The following PKHD1L1 variants were observed in gnomAD, a reference collection of about 807,000 sequenced individuals.
PKHD1L1 encodes fibrocystin-L.
A neutral mutation model predicts 462.9 loss-of-function variants in PKHD1L1; 434 were observed. That is an observed-to-expected ratio of 0.94 (90% CI 0.87 to 1.02). The LOEUF is 1.02. Ranked by LOEUF, PKHD1L1 falls within the 50% of genes least tolerant of loss-of-function variation. The pLI is 0.00. For missense variants in PKHD1L1, 5,202 were observed against 5,096.1 expected, an observed-to-expected ratio of 1.02 and a Z score of -0.63; for synonymous variants, 1,781 against 1,750.0, an observed-to-expected ratio of 1.02 and a Z score of -0.44.
In PKHD1L1 at chr8:109,362,514, G is replaced by A. The variant is rs1811029196; in HGVS notation, c.-67G>A. Reference sequence around the variant, plus strand: ...GCCCGCCAGCGAGTCGCAGTCCCAGGAGCCGAGCTCCAGCACTAGAGCCAG... The same window carrying A: ...GCCCGCCAGCGAGTCGCAGTCCCAGAAGCCGAGCTCCAGCACTAGAGCCAG... On this transcript the variant is annotated 5_prime_UTR_variant, in exon 1 of 78. Transcript: ENST00000378402. The A allele has an allele frequency of 1.4e-6, 2 of 1,468,330 alleles. No individual in the cohort carries two copies. Among genetic ancestry groups the A allele is most frequent in the African/African-American group, 1.4e-5 (1 of 71,462 alleles). The allele number at this position is 1,468,330 out of a possible 1,614,324, so 91.0% of individuals were successfully genotyped here.
chr8:109,507,586 C>A (rs1465820575), intron 68 of PKHD1L1, 77 bp from the exon 69 acceptor site: 1 of 1,266,134 alleles, frequency 7.9e-7, no homozygotes, highest in Admixed American at 2.1e-5. Context: ...TTTTGGATAT[C>A]CTCTAAGTAA....
chr8:109,470,367 C>A, intron 50 of PKHD1L1: 1 of 1,557,294 alleles, frequency 6.4e-7, no homozygotes, highest in East Asian at 2.3e-5. Context: ...ACTATGAACC[C>A]AAGCTTATTA....
intron 20 of PKHD1L1, among the ~76,000 whole-genome samples, chr8:109,412,899 A>G (rs1368874522): frequency 6.6e-6 from 1 of 152,052 alleles, no homozygotes; most frequent in Non-Finnish European, 1.5e-5. Context: ...AAATTCTCAA[A>G]TTGTGGCACC....
At chr8:109,455,072 T>G (rs1816745402) in intron 45 of PKHD1L1, among the ~76,000 whole-genome samples, 1 of 152,142 alleles carries the variant, frequency 6.6e-6, no homozygotes, top group African/African-American at 2.4e-5. Context: ...GTGCGGTGGC[T>G]CATACCTGTA....
chr8:109,480,035 C>T lies in PKHD1L1; in HGVS notation c.9223C>T (p.Leu3075Phe), dbSNP rs773328741. ...ADIDMPSMERLIIWGVLELED... is the reference protein window; with the variant it reads ...ADIDMPSMERFIIWGVLELED... ...CATAGATATGCCATCAATGGAAAGA[C>T]TCATTATTTGGGGGGTTCTAGAACT... is the stretch of plus-strand genomic sequence containing the variant. The change falls in exon 55 of 78, where the codon CTC becomes TTC. Residue 3075 changes from leucine (L) to phenylalanine (F), a missense_variant. Physicochemically the swap from Leu to Phe is conservative, Grantham distance 22 (BLOSUM62 0). Coordinates refer to ENST00000378402, the MANE Select transcript of PKHD1L1 (RefSeq NM_177531.6). The T allele has an allele frequency of 9.4e-6, 15 of 1,594,828 alleles. No homozygotes were observed. The highest frequency in any genetic ancestry group is 1.2e-5 in the Non-Finnish European group (14 of 1,172,594).
At chr8:109,417,026 C>A (rs1204993114) in intron 21 of PKHD1L1, among the ~76,000 whole-genome samples, 1 of 152,132 alleles carries the variant, frequency 6.6e-6, no homozygotes, top group Non-Finnish European at 1.5e-5. Flanking sequence ...CTTACCATAT[C>A]ATTAAATAGT....
chr8:109,513,537 A>G (rs1820112140), intron 71 of PKHD1L1, among the ~76,000 whole-genome samples: 1 of 152,112 alleles, frequency 6.6e-6, no homozygotes, highest in Non-Finnish European at 1.5e-5. Flanking sequence ...AAAGAGTATG[A>G]GTTTAACCAG....
chr8:109,400,522 C>CTA (rs1227742551), intron 13 of PKHD1L1, among the ~76,000 whole-genome samples, 178 bp downstream of exon 13: 11 of 151,918 alleles, frequency 7.2e-5, no homozygotes, highest in Admixed American at 5.9e-4. Flanking sequence ...GATAGAAAAC[C>CTA]TATAGCCTAC....
rs141912354 is a variant in PKHD1L1 at position 109,398,026 on chromosome 8, T to C, written c.923-433T>C. On this transcript the variant is annotated intron_variant, in intron 11 of 77. Coordinates refer to ENST00000378402, the MANE Select transcript of PKHD1L1 (RefSeq NM_177531.6). ...ATTATTATCCCCCTTTTTTTTTCATTTGAAGAACTTGGACTAAGCCAGCAC... is the reference window on the plus strand; with the variant it reads ...ATTATTATCCCCCTTTTTTTTTCATCTGAAGAACTTGGACTAAGCCAGCAC... Among the ~76,000 whole-genome samples, 218 of 152,280 alleles carry C rather than the reference T, an allele frequency of 1.4e-3. 1 individual carries two copies. The highest frequency in any genetic ancestry group is 5.0e-3 in the African/African-American group (209 of 41,568).
rs749071082 is a variant in PKHD1L1 at position 109,489,946 on chromosome 8, C to T, written c.9881-6C>T. ...AAAACAAATTTTAAATCTTTCCCTA[C>T]CTTAGGAAATGCAAGAATAAGTAAT... On this transcript the variant is annotated splice_polypyrimidine_tract_variant and splice_region_variant and intron_variant, in intron 59 of 77. Transcript: ENST00000378402. 5.1e-6 allele frequency: 8 copies of T among 1,554,296 alleles called. No homozygotes were observed. In the African/African-American group the frequency reaches 1.1e-4, roughly 21 times the overall value.
intron 21 of PKHD1L1, among the ~76,000 whole-genome samples, chr8:109,415,027 T>C (rs1814073070): frequency 6.6e-6 from 1 of 151,148 alleles, no homozygotes; most frequent in Non-Finnish European, 1.5e-5. Flanking sequence ...AGACAGGGTC[T>C]GATTCTGTCA....
chr8:109,518,378 G>C lies in PKHD1L1; in HGVS notation c.11901G>C (p.Lys3967Asn), dbSNP rs1252305069. The change falls in exon 73 of 78, where the codon AAG (lysine) becomes AAC (asparagine). Residue 3967 changes from lysine (K) to asparagine (N), a missense_variant. Lys to Asn is a moderately conservative substitution (Grantham distance 94, BLOSUM62 0). Coordinates refer to ENST00000378402, the MANE Select transcript of PKHD1L1 (RefSeq NM_177531.6). ...NLVKNLALFL[K>N]IPSDKIRISK... ...TTAAAAATCTTGCCTTGTTCCTAAA[G>C]ATACCAAGTGACAAAATCCGTATCA... The C allele has an allele frequency of 3.1e-6, 5 of 1,613,288 alleles. No homozygotes were observed. The highest frequency in any genetic ancestry group is 4.2e-6 in the Non-Finnish European group (5 of 1,179,516).
intron 2 of PKHD1L1, among the ~76,000 whole-genome samples, chr8:109,372,480 A>G (rs898287728): frequency 1.3e-5 from 2 of 152,134 alleles, no homozygotes; most frequent in African/African-American, 4.8e-5. Context: ...TCTTTTCCTA[A>G]TTGAATGCCC....
chr8:109,437,213 C>G (rs1246430362), intron 30 of PKHD1L1, among the ~76,000 whole-genome samples: 1 of 152,134 alleles, frequency 6.6e-6, no homozygotes, highest in Non-Finnish European at 1.5e-5. Context: ...CACGCCTGGC[C>G]AGGAATACAT....
At chr8:109,395,276 G>C (rs927629822) in intron 10 of PKHD1L1, among the ~76,000 whole-genome samples, 2 of 152,136 alleles carry the variant, frequency 1.3e-5, no homozygotes, top group Non-Finnish European at 2.9e-5. Flanking sequence ...ATTTAAAGAG[G>C]TTTCAGGTTG....
chr8:109,518,274 C>T lies in PKHD1L1; in HGVS notation c.11797C>T (p.His3933Tyr). ...LVKGTIPVEI[H>Y]TATVIFVSFQ... ...TAAAGGAACTATACCTGTTGAAATT[C>T]ACACTGCCACAGTGATATTTGTTTC... Residue 3933 changes from histidine to tyrosine, a missense_variant, in exon 73 of 78, where the codon CAC (histidine) becomes TAC (tyrosine). Around this residue, in one of 3 missense-constraint regions of PKHD1L1, gnomAD observed 698 missense variants for 736.3 expected, o/e 0.95. Transcript: ENST00000378402. 6.2e-7 allele frequency: 1 copy of T among 1,611,104 alleles called. No homozygotes were observed. Among genetic ancestry groups the T allele is most frequent in the Non-Finnish European group, 8.5e-7 (1 of 1,177,564 alleles).
At chr8:109,406,559 GA>G (rs1182409027) in intron 17 of PKHD1L1, 81 bp downstream of exon 17, 1 of 1,384,094 alleles carries the variant, frequency 7.2e-7, no homozygotes, top group Non-Finnish European at 9.5e-7. Flanking sequence ...TAAGATGACA[GA>G]GAAAAAGACT....
chr8:109,459,990 T>A (rs1306625726), intron 47 of PKHD1L1, among the ~76,000 whole-genome samples, 154 bp downstream of exon 47: 1 of 151,940 alleles, frequency 6.6e-6, no homozygotes, highest in South Asian at 2.1e-4. Context: ...CCATTAAATA[T>A]CTTATAAATA....
chr8:109,525,701 T>A (rs1228151699), intron 76 of PKHD1L1, among the ~76,000 whole-genome samples: 1 of 152,140 alleles, frequency 6.6e-6, no homozygotes, highest in Non-Finnish European at 1.5e-5. Flanking sequence ...CCCTAAATTA[T>A]TTGCTCATCA....
Sources: gnomAD v4.1 joint callset for allele counts (sites outside exome capture counted in the v4.1 genomes callset) on GRCh38, gnomAD v4.1.1 for gene constraint, gnomAD v4.1.1 regional missense constraint, MANE v1.5 for transcripts, NCBI Gene and HGNC (gene_info 2026-07-23, HGNC 2026-07-21) for gene names.